The following KCNIP4 variants were observed in gnomAD, a reference collection of about 807,000 sequenced individuals.
KCNIP4 encodes Kv channel-interacting protein 4.
In KCNIP4, 12 loss-of-function variants were observed where a neutral mutation model predicts 34.0. The ratio of observed to expected loss-of-function variants is 0.35; its 90% confidence interval spans 0.23 to 0.57. The LOEUF (loss-of-function observed/expected upper bound fraction) is 0.57, where lower values mean the gene tolerates loss of function less well. Ranked by LOEUF, KCNIP4 falls within the 20% of genes least tolerant of loss-of-function variation. The probability of loss-of-function intolerance (pLI) is 0.83; values close to 1 mark genes in which losing one functional copy is unlikely to be tolerated. For synonymous variants in KCNIP4, 124 were observed against 102.2 expected (o/e 1.21, Z -1.29); for missense variants, 238 against 311.7 (o/e 0.76, Z 1.78).
Position 21,668,392 on chromosome 4 carries a change from G to A in KCNIP4, c.61+280179C>T, listed in dbSNP as rs186349786. ...GCTGTATTAAGGCATAGATAAGAGG[G>A]AAACTGCATGTCATCATTTACTAAG... On this transcript the variant is annotated intron_variant, in intron 1 of 8. Transcript: ENST00000382152. Among the ~76,000 whole-genome samples, 334 of 152,250 alleles carry A rather than the reference G, an allele frequency of 2.2e-3. 1 individual carries two copies. Among genetic ancestry groups the A allele is most frequent in the Non-Finnish European group, 3.1e-3 (214 of 68,024 alleles).
intron 1 of KCNIP4, among the ~76,000 whole-genome samples, chr4:21,326,969 T>G (rs1299087098): frequency 6.6e-6 from 1 of 152,046 alleles, no homozygotes; most frequent in Admixed American, 6.5e-5. Flanking sequence ...AACTTTTTGT[T>G]GTTTCTGTTT....
At chr4:20,790,411 T>G (rs1385222555) in intron 3 of KCNIP4, among the ~76,000 whole-genome samples, 2 of 152,182 alleles carry the variant, frequency 1.3e-5, no homozygotes, top group African/African-American at 4.8e-5. Context: ...AATTTAACTT[T>G]AGGTTACTGT....
intron 1 of KCNIP4, among the ~76,000 whole-genome samples, chr4:21,145,247 G>A (rs1259175043): frequency 6.6e-6 from 1 of 152,118 alleles, no homozygotes; most frequent in South Asian, 2.1e-4. Flanking sequence ...TAGAAACTTA[G>A]AGTCTCTACT....
At chr4:21,124,039 AC>A (rs1750395642) in intron 1 of KCNIP4, among the ~76,000 whole-genome samples, 8 of 125,572 alleles carry the variant, frequency 6.4e-5, no homozygotes, top group Admixed American at 4.7e-4. Context: ...AAACAAAAAA[AC>A]AACAAAAAAA....
At chr4:21,141,128 AT>A (rs1433934325) in intron 1 of KCNIP4, among the ~76,000 whole-genome samples, 1 of 152,208 alleles carries the variant, frequency 6.6e-6, no homozygotes, top group African/African-American at 2.4e-5. Context: ...ATTGTGTGTA[AT>A]AGCATTATCT....
At chr4:20,730,219 A>T in intron 8 of KCNIP4, 90 bp from the exon 9 acceptor site, 1 of 1,398,128 alleles carries the variant, frequency 7.2e-7, no homozygotes, top group Non-Finnish European at 9.5e-7. Flanking sequence ...TCCTCCCATC[A>T]ACCACCTCAA....
At chr4:21,463,689 A>G (rs183394718) in intron 1 of KCNIP4, among the ~76,000 whole-genome samples, 4 of 151,836 alleles carry the variant, frequency 2.6e-5, no homozygotes, top group Non-Finnish European at 5.9e-5. Context: ...TGCTGTTTTT[A>G]CCTGGTTTTG....
chr4:20,950,264 T>C (rs1014551976), intron 1 of KCNIP4, among the ~76,000 whole-genome samples: 1 of 152,130 alleles, frequency 6.6e-6, no homozygotes, highest in African/African-American at 2.4e-5. Flanking sequence ...CAGGAAGATC[T>C]AGCTGTAGCT....
intron 1 of KCNIP4, among the ~76,000 whole-genome samples, chr4:21,572,573 T>G (rs899744672): frequency 6.6e-6 from 1 of 152,048 alleles, no homozygotes; most frequent in African/African-American, 2.4e-5. Context: ...CACCATTCCA[T>G]GCACATTTTA....
intron 7 of KCNIP4, 52 bp from the exon 8 acceptor site, chr4:20,732,120 C>G: frequency 8.3e-7 from 1 of 1,211,158 alleles, no homozygotes; most frequent in Non-Finnish European, 1.2e-6. Flanking sequence ...TTAATACCCT[C>G]ACACCTGGAC....
intron 1 of KCNIP4, among the ~76,000 whole-genome samples, chr4:21,506,648 G>C (rs548571629): frequency 6.6e-6 from 1 of 152,292 alleles, no homozygotes; most frequent in South Asian, 2.1e-4. Flanking sequence ...TACTAAAGGA[G>C]CTACATGGGT....
At chr4:21,193,856 C>A (rs1310016294) in intron 1 of KCNIP4, among the ~76,000 whole-genome samples, 2 of 152,166 alleles carry the variant, frequency 1.3e-5, no homozygotes, top group African/African-American at 4.8e-5. Context: ...CAGGCGTGAG[C>A]CACAGCGCCT....
intron 1 of KCNIP4, among the ~76,000 whole-genome samples, chr4:20,907,869 A>C (rs1420968958): frequency 6.6e-6 from 1 of 151,458 alleles, no homozygotes; most frequent in South Asian, 2.1e-4. Flanking sequence ...AGGCGCCCGC[A>C]TGATATCAAA....
chr4:20,754,087 A>G (rs956132193), intron 4 of KCNIP4, among the ~76,000 whole-genome samples: 7 of 152,124 alleles, frequency 4.6e-5, no homozygotes, highest in Non-Finnish European at 8.8e-5. Flanking sequence ...TTGTATGTGG[A>G]GTTTAAGAAG....
chr4:20,955,577 AT>A (rs1733215489), intron 1 of KCNIP4, among the ~76,000 whole-genome samples: 1 of 152,042 alleles, frequency 6.6e-6, no homozygotes, highest in Non-Finnish European at 1.5e-5. Context: ...TGATAAAATG[AT>A]TTTCCAGCAA....
intron 1 of KCNIP4, among the ~76,000 whole-genome samples, chr4:21,316,041 T>C (rs1713723573): frequency 6.6e-6 from 1 of 152,188 alleles, no homozygotes; most frequent in Non-Finnish European, 1.5e-5. Context: ...AACTGCTTCC[T>C]TTTCCTTCTG....
At chr4:21,806,232 C>T (rs760758164) in intron 1 of KCNIP4, among the ~76,000 whole-genome samples, 6 of 152,314 alleles carry the variant, frequency 3.9e-5, no homozygotes, top group Non-Finnish European at 8.8e-5. Flanking sequence ...CAATAAAATA[C>T]ATACATTGTG....
In KCNIP4 at chr4:20,729,304, T is replaced by TTCCACTTAATGATTGATAC. The variant is rs1479029414; in HGVS notation, c.*759_*777dup. The TTCCACTTAATGATTGATAC allele has an allele frequency of 6.6e-6, 1 of 152,026 alleles. No homozygotes were observed. The highest frequency in any genetic ancestry group is 2.0e-4 in the East Asian group (1 of 5,038). The allele number at this position is 152,026 out of a possible 1,614,324, so 9.4% of individuals were successfully genotyped here. A position where few individuals can be genotyped will look rare whatever the true frequency, so the allele number is the denominator to read the frequency against. On this transcript the variant is annotated 3_prime_UTR_variant, in exon 9 of 9. Transcript: ENST00000382152. ...TGTTTTGTTTGATGCCTTCTTCAAC[T>TTCCACTTAATGATTGATAC]TCCACTTAATGATTGATACTAATGA...
At chr4:21,260,783 T>C (rs1426189259) in intron 1 of KCNIP4, among the ~76,000 whole-genome samples, 1 of 152,200 alleles carries the variant, frequency 6.6e-6, no homozygotes, top group African/African-American at 2.4e-5. Flanking sequence ...ATTTTTGTCA[T>C]TCCAACTATA....
Sources: gnomAD v4.1 joint callset for allele counts (sites outside exome capture counted in the v4.1 genomes callset) on GRCh38, gnomAD v4.1.1 for gene constraint, MANE v1.5 for transcripts, NCBI Gene and HGNC (gene_info 2026-07-23, HGNC 2026-07-21) for gene names.